ABCA8: variants seen among roughly 807,000 people sequenced by gnomAD.
ABCA8 encodes ABC-type organic anion transporter ABCA8.
Under a neutral mutation model 192.3 loss-of-function variants are expected in ABCA8, and 177 were observed. That is an observed-to-expected ratio of 0.92 (90% confidence interval 0.81 to 1.04). The LOEUF is 1.04. Among genes scored for constraint, ABCA8 ranks in the 50% least tolerant of loss-of-function variants. The probability of loss-of-function intolerance (pLI) is 0.00; values close to 1 mark genes in which losing one functional copy is unlikely to be tolerated. For missense variants in ABCA8, 1,915 were observed against 1,904.8 expected (o/e 1.01, Z -0.10); for synonymous variants, 642 against 690.2 (o/e 0.93, Z 1.09).
At chr17:68,939,440 T>C (rs2068164097) in intron 4 of ABCA8, among the ~76,000 whole-genome samples, 1 of 151,970 alleles carries the variant, frequency 6.6e-6, no homozygotes, top group South Asian at 2.1e-4. Flanking sequence ...CCAAAGAGAT[T>C]AGTTCTCGGT....
intron 2 of ABCA8, among the ~76,000 whole-genome samples, chr17:68,942,258 T>C (rs2068252467): frequency 6.6e-6 from 1 of 152,156 alleles, no homozygotes. Flanking sequence ...GCCCTGTGCC[T>C]GTTATCAATT....
chr17:68,893,957 C>G, intron 23 of ABCA8: 1 of 399,810 alleles, frequency 2.5e-6, no homozygotes, highest in Non-Finnish European at 4.6e-6. Context: ...TCATTATTCT[C>G]TTTGAAAAAT....
chr17:68,929,172 C>G lies in ABCA8; in HGVS notation c.1002G>C (p.Val334=), dbSNP rs753071879. 21 of 1,610,436 alleles carry G rather than the reference C, an allele frequency of 1.3e-5. No individual in the cohort carries two copies. The highest frequency in any genetic ancestry group is 1.7e-6 in the Non-Finnish European group (2 of 1,178,008). ...VKKSFLTGLV[V]FLLTVFWGCL... is the part of the protein sequence containing the mutation. ...ACCCCCAAAAGACAGTGAGGAGGAA[C>G]ACGACCAGGCCGGTGAGGAAAGATT... The change falls in exon 9 of 40, where the codon GTG becomes GTC. Residue 334 remains valine, a synonymous_variant. Transcript: ENST00000586539.
intron 4 of ABCA8, among the ~76,000 whole-genome samples, chr17:68,938,876 G>A (rs2068147721): frequency 6.6e-6 from 1 of 152,086 alleles, no homozygotes. Context: ...AATCAGTTAG[G>A]TTTGGTATAA....
chr17:68,938,304 A>G (rs2068127575), intron 4 of ABCA8, among the ~76,000 whole-genome samples: 1 of 152,188 alleles, frequency 6.6e-6, no homozygotes, highest in South Asian at 2.1e-4. Flanking sequence ...CTCTGGCCAT[A>G]GACAGTCCAA....
At position 68,937,041 on chromosome 17, in the gene ABCA8, TTACTATTTC is replaced by T; in HGVS notation, c.367_375del (p.Glu123_Val125del). The stretch of plus-strand genomic sequence containing the variant: ...GAGTATGTATTAGTAAAGGTGACTC[TTACTATTTC>T]TTCAGGATAATTTGCTGTGAATTCT... On this transcript the variant is annotated inframe_deletion, in exon 5 of 40. Coordinates refer to ENST00000586539, the MANE Select transcript of ABCA8 (RefSeq NM_001288985.2). 6.2e-7 allele frequency: 1 copy of T among 1,610,874 alleles called. No individual in the cohort carries two copies. Among genetic ancestry groups the T allele is most frequent in the African/African-American group, 1.3e-5 (1 of 74,826 alleles).
chr17:68,903,527 A>G (rs777597766), intron 19 of ABCA8, 28 bp from the exon 20 acceptor site: 106 of 1,606,818 alleles, frequency 6.6e-5, no homozygotes, highest in Non-Finnish European at 8.8e-5. Flanking sequence ...AGCAACTCAT[A>G]TGTACTTTAT....
In ABCA8 at chr17:68,882,670, CT is replaced by C. The variant is rs2066364836; in HGVS notation, c.3756del (p.Gly1253GlufsTer11). On this transcript the variant is annotated frameshift_variant, in exon 30 of 40. Coordinates refer to ENST00000586539, the MANE Select transcript of ABCA8 (RefSeq NM_001288985.2). LOFTEE classifies it high-confidence loss of function. ...TCCATCTGAACATCTTCATCCTCTC[CT>C]TCTGGTTCTTCTGGATTTTGACACA... ...SDVCQNPEEPEGEDEDVQMER... is the reference protein window; with the variant it reads ...SDVCQNPEEPXGEDEDVQMER... 1 of 1,612,812 alleles carries C rather than the reference CT, an allele frequency of 6.2e-7. No homozygotes were observed.
intron 18 of ABCA8, among the ~76,000 whole-genome samples, chr17:68,906,464 G>A (rs1184500257): frequency 6.6e-6 from 1 of 151,932 alleles, no homozygotes; most frequent in Non-Finnish European, 1.5e-5. Context: ...AATTAATTGT[G>A]AGACTCTGGG....
chr17:68,912,868 A>T (rs1440621564), intron 17 of ABCA8, among the ~76,000 whole-genome samples: 1 of 152,142 alleles, frequency 6.6e-6, no homozygotes, highest in Admixed American at 6.5e-5. Context: ...AATCAAAAAC[A>T]TTGGACTTAA....
intron 9 of ABCA8, 104 bp from the exon 10 acceptor site, chr17:68,928,167 G>T (rs2067755390): frequency 1.1e-6 from 1 of 944,626 alleles, no homozygotes; most frequent in South Asian, 2.1e-5. Context: ...GCCTCATACT[G>T]AGAATAGAGT....
chr17:68,867,632 C>A lies in ABCA8; in HGVS notation c.*453G>T, dbSNP rs569709753. 6.6e-6 allele frequency: 1 copy of A among 152,274 alleles called. No homozygotes were observed. Among genetic ancestry groups the A allele is most frequent in the African/African-American group, 2.4e-5 (1 of 41,392 alleles). The allele number at this position is 152,274 out of a possible 1,614,324, so 9.4% of individuals were successfully genotyped here. A position where few individuals can be genotyped will look rare whatever the true frequency, so the allele number is the denominator to read the frequency against. ...TTAGCAATAAGAAGCACACTTAAAT[C>A]TATTTCAAAAATATGACATGTTAAA... On this transcript the variant is annotated 3_prime_UTR_variant, in exon 40 of 40. Coordinates refer to ENST00000586539, the MANE Select transcript of ABCA8 (RefSeq NM_001288985.2).
chr17:68,939,711 A>G (rs193159902), intron 4 of ABCA8, among the ~76,000 whole-genome samples: 1 of 152,288 alleles, frequency 6.6e-6, no homozygotes, highest in East Asian at 1.9e-4. Context: ...CCTTGCATTA[A>G]TACTCTGCTC....
intron 38 of ABCA8, 149 bp downstream of exon 38, chr17:68,869,551 T>G: frequency 1.6e-6 from 1 of 625,062 alleles, no homozygotes; most frequent in Non-Finnish European, 2.9e-6. Flanking sequence ...TCTATCTCCT[T>G]GGTTTGGGTC....
In ABCA8 at chr17:68,948,881, C is replaced by T. The variant is rs202192254; in HGVS notation, c.-6+431G>A. Among the ~76,000 whole-genome samples, 10 of 152,208 alleles carry T rather than the reference C, an allele frequency of 6.6e-5. No individual in the cohort carries two copies. In the East Asian group the frequency reaches 1.9e-3, roughly 29 times the overall value. On this transcript the variant is annotated intron_variant, in intron 2 of 39. Transcript: ENST00000586539. The stretch of plus-strand genomic sequence containing the variant: ...AGGGTTTTTATGGTTTTGGGTTTTA[C>T]ATTTAAGTCTTTAAAACATTTTGAG...
chr17:68,885,173 G>C (rs1215337849), intron 27 of ABCA8, 23 bp downstream of exon 27: 1 of 1,606,068 alleles, frequency 6.2e-7, no homozygotes, highest in Admixed American at 1.7e-5. Flanking sequence ...CAAGGGACTG[G>C]GACAGACTGT....
In ABCA8 at chr17:68,929,133, T is replaced by G. The variant is rs775449398; in HGVS notation, c.1041A>C (p.Thr347=). The change falls in exon 9 of 40, where the codon ACA becomes ACC. Residue 347 remains threonine (T), a synonymous_variant. Transcript: ENST00000586539. ...ATGCAGGAAGGTGTCTGTACAGTGA[T>G]GTGAACCCCAGACACCCCCAAAAGA... ...LTVFWGCLGF[T]SLYRHLPASL... is the part of the protein sequence containing the mutation. 10 of 1,611,908 alleles carry G rather than the reference T, an allele frequency of 6.2e-6. No homozygotes were observed. The highest frequency in any genetic ancestry group is 1.3e-5 in the African/African-American group (1 of 74,872).
In ABCA8 at chr17:68,911,734, TACAC is replaced by T. The variant is rs60957466; in HGVS notation, c.2139-3859_2139-3856del. ...CCTCTGCCAGCTCCAGACAGCTCAA[TACAC>T]ACACACACACACACACACACACACA... On this transcript the variant is annotated intron_variant, in intron 17 of 39. Coordinates refer to ENST00000586539, the MANE Select transcript of ABCA8 (RefSeq NM_001288985.2). This position sits in a 1 kb window ranked among gnomAD's most constrained non-coding sequence, Gnocchi z 5.7. 0.023 allele frequency among the ~76,000 whole-genome samples: 3,267 copies of T among 144,046 alleles called. 87 individuals carry two copies. The highest frequency in any genetic ancestry group is 0.068 in the African/African-American group (2,672 of 39,174). 94.5% of individuals were successfully genotyped at this position (144,046 alleles called of 152,430 possible). A position where few individuals can be genotyped will look rare whatever the true frequency, so the allele number is the denominator to read the frequency against.
Position 68,907,666 on chromosome 17 carries a change from G to A in ABCA8, c.2278+74C>T, listed in dbSNP as rs1181581920. ...TACTGTAAGACATTGATAAATGTTA[G>A]TTGTAATGATAATAATTATGATGAT... On this transcript the variant is annotated intron_variant, in intron 18 of 39. Coordinates refer to ENST00000586539, the MANE Select transcript of ABCA8 (RefSeq NM_001288985.2). 2.3e-6 allele frequency: 3 copies of A among 1,311,720 alleles called. No individual in the cohort carries two copies. The African/African-American group carries it at 4.5e-5, about 19-fold the overall frequency. The allele number at this position is 1,311,720 out of a possible 1,614,324, so 81.3% of individuals were successfully genotyped here.
Sources: allele counts gnomAD v4.1 joint callset (sites outside exome capture counted in the v4.1 genomes callset), GRCh38; gene constraint gnomAD v4.1.1; non-coding constraint Gnocchi (gnomAD v3.1); transcripts MANE v1.5; gene names NCBI Gene and HGNC (gene_info 2026-07-23, HGNC 2026-07-21).